Variants in ARHGAP24 observed in about 807,000 individuals in gnomAD.
The protein encoded by ARHGAP24 is Rho GTPase activating protein 24.
Under a neutral mutation model 76.4 loss-of-function variants are expected in ARHGAP24, and 50 were observed. The ratio of observed to expected loss-of-function variants is 0.65; its 90% confidence interval spans 0.52 to 0.83. The LOEUF (loss-of-function observed/expected upper bound fraction) is 0.83, where lower values mean the gene tolerates loss of function less well. Ranked by LOEUF, ARHGAP24 falls within the 40% of genes least tolerant of loss-of-function variation. ARHGAP24 has a pLI of 0.00. For synonymous variants in ARHGAP24, 345 were observed against 323.3 expected, an observed-to-expected ratio of 1.07 and a Z score of -0.72; for missense variants, 930 against 914.2, an observed-to-expected ratio of 1.02 and a Z score of -0.22.
At position 85,995,257 on chromosome 4, in the gene ARHGAP24, G is replaced by A. The variant is rs1303916178; in HGVS notation, c.1603G>A (p.Val535Ile). Residue 535 changes from valine to isoleucine, a missense_variant, in exon 9 of 10, where the codon GTC (valine) becomes ATC (isoleucine). Transcript: ENST00000395184. ...CAACAGACTGTCCACCTATGATAAT[G>A]TCCATCAACAGTTCTCCATGATGAA... ...QHNRLSTYDN[V>I]HQQFSMMNLD... 4 of 1,613,920 alleles carry A rather than the reference G, an allele frequency of 2.5e-6. No homozygotes were observed. The highest frequency in any genetic ancestry group is 3.4e-6 in the Non-Finnish European group (4 of 1,180,028).
chr4:85,608,551 GTTTTTTTTTTT>G (rs141361475), intron 2 of ARHGAP24, among the ~76,000 whole-genome samples: 3 of 73,186 alleles, frequency 4.1e-5, no homozygotes, highest in Non-Finnish European at 7.3e-5. Flanking sequence ...TTGTTTGGTT[GTTTTTTTTTTT>G]TTTTTTTTTT....
At chr4:85,896,624 T>C (rs748074151) in intron 3 of ARHGAP24, among the ~76,000 whole-genome samples, 2 of 152,212 alleles carry the variant, frequency 1.3e-5, no homozygotes, top group Non-Finnish European at 2.9e-5. Context: ...TAGGGCTAAA[T>C]CTATATCCAA....
chr4:85,940,911 TG>T (rs1296658494), intron 4 of ARHGAP24, among the ~76,000 whole-genome samples: 2 of 152,216 alleles, frequency 1.3e-5, no homozygotes, highest in Admixed American at 6.5e-5. Flanking sequence ...GTGACGGTTT[TG>T]CACTACTGAG....
At chr4:85,968,794 A>G (rs537941331) in intron 5 of ARHGAP24, among the ~76,000 whole-genome samples, 239 of 152,272 alleles carry the variant, frequency 1.6e-3, no homozygotes, top group Middle Eastern at 3.4e-3. Context: ...ATCTCTACTG[A>G]GTAGCCTAAG....
chr4:85,867,898 C>CATATATATATATATATAT (rs113874290), intron 3 of ARHGAP24, among the ~76,000 whole-genome samples: 148 of 106,726 alleles, frequency 1.4e-3, no homozygotes, highest in African/African-American at 4.1e-3. Flanking sequence ...TGTGTGTGTA[C>CATATATATATATATATAT]ATATATATAT....
At chr4:85,533,414 C>T (rs1334012592) in intron 1 of ARHGAP24, among the ~76,000 whole-genome samples, 1 of 152,100 alleles carries the variant, frequency 6.6e-6, no homozygotes. Context: ...TTACATTATT[C>T]TGTCAGTCAA....
chr4:85,812,796 T>G (rs1729068466), intron 3 of ARHGAP24, among the ~76,000 whole-genome samples: 1 of 152,200 alleles, frequency 6.6e-6, no homozygotes, highest in Non-Finnish European at 1.5e-5. Context: ...CAAGGCTGGA[T>G]TCTTCAAAAG....
chr4:85,786,425 T>A (rs747404602), intron 3 of ARHGAP24, among the ~76,000 whole-genome samples: 2 of 152,202 alleles, frequency 1.3e-5, no homozygotes, highest in African/African-American at 2.4e-5. Context: ...TTCCACACAA[T>A]GTTTTCTTGA....
intron 3 of ARHGAP24, among the ~76,000 whole-genome samples, chr4:85,744,798 G>T (rs1020447591): frequency 1.3e-5 from 2 of 152,170 alleles, no homozygotes; most frequent in Non-Finnish European, 2.9e-5. Context: ...TTTTAAAATG[G>T]TTATTTAGTC....
In ARHGAP24 at chr4:85,722,259, A is replaced by C. The variant is rs552579616; in HGVS notation, c.268+287A>C. On this transcript the variant is annotated intron_variant, in intron 3 of 9. Transcript: ENST00000395184. ...ATTTGTTCAGGACTATTGGAGATGA[A>C]TTTGATTTTACAGCGCTCTTGTGAT... 463 of 363,740 alleles carry C rather than the reference A, an allele frequency of 1.3e-3. 1 individual carries two copies. The highest frequency in any genetic ancestry group is 1.5e-3 in the Non-Finnish European group (292 of 193,124). The allele number at this position is 363,740 out of a possible 1,614,324, so 22.5% of individuals were successfully genotyped here.
At position 85,995,059 on chromosome 4, in the gene ARHGAP24, G is replaced by A. The variant is rs1232518540; in HGVS notation, c.1405G>A (p.Gly469Ser). Residue 469 changes from glycine (G) to serine (S), a missense_variant, in exon 9 of 10, where the codon GGT (glycine) becomes AGT (serine). By Grantham distance (56) the Gly-to-Ser change is moderately conservative (BLOSUM62 0). Coordinates refer to ENST00000395184, the MANE Select transcript of ARHGAP24 (RefSeq NM_001025616.3). ...ARRSSSLKVS[G>S]TKMGTHSVQN... The stretch of plus-strand genomic sequence containing the variant: ...AAGGAGCTCTTCACTGAAGGTATCT[G>A]GTACCAAAATGGGCACGCACAGTGT... The A allele has an allele frequency of 1.8e-5, 29 of 1,614,064 alleles. No individual in the cohort carries two copies. The highest frequency in any genetic ancestry group is 2.4e-5 in the Non-Finnish European group (28 of 1,180,002).
intron 1 of ARHGAP24, among the ~76,000 whole-genome samples, chr4:85,515,089 C>T (rs1367757463): frequency 6.6e-6 from 1 of 152,050 alleles, no homozygotes; most frequent in Non-Finnish European, 1.5e-5. Context: ...TCTAATTCAT[C>T]CTTAGGTGAA....
chr4:85,544,499 C>T (rs1725826073), intron 1 of ARHGAP24, among the ~76,000 whole-genome samples: 1 of 152,064 alleles, frequency 6.6e-6, no homozygotes, highest in Non-Finnish European at 1.5e-5. Context: ...AAAACTTCAG[C>T]ATCTAGATCA....
At chr4:85,962,433 G>A (rs1044722749) in intron 5 of ARHGAP24, among the ~76,000 whole-genome samples, 5 of 152,072 alleles carry the variant, frequency 3.3e-5, no homozygotes, top group African/African-American at 1.2e-4. Flanking sequence ...GAAATGTGAG[G>A]TGAGAAAGAA....
At chr4:85,955,230 C>T (rs550888802) in intron 5 of ARHGAP24, among the ~76,000 whole-genome samples, 15 of 151,570 alleles carry the variant, frequency 9.9e-5, no homozygotes, top group Middle Eastern at 6.8e-3. Context: ...CCCCCGCCTA[C>T]CCCCCACCCC....
In ARHGAP24 at chr4:85,926,045, T is replaced by C. The variant is rs565465446; in HGVS notation, c.391+2275T>C. On this transcript the variant is annotated intron_variant, in intron 4 of 9. Transcript: ENST00000395184. ...TTCTCCTCTTCCATCTGTGACTTCC[T>C]GAAAAAAAAAAAGAATGCCATCCAG... Among the ~76,000 whole-genome samples, 6 of 130,386 alleles carry C rather than the reference T, an allele frequency of 4.6e-5. No individual in the cohort carries two copies. In the South Asian group the frequency reaches 1.9e-3, roughly 41 times the overall value. 85.5% of individuals were successfully genotyped at this position (130,386 alleles called of 152,430 possible).
intron 3 of ARHGAP24, among the ~76,000 whole-genome samples, chr4:85,791,161 G>A (rs931056716): frequency 3.3e-5 from 5 of 152,270 alleles, no homozygotes; most frequent in South Asian, 2.1e-4. Flanking sequence ...ATTAAATGGC[G>A]TATGAGGGCA....
chr4:85,962,765 T>C (rs1738338513), intron 5 of ARHGAP24, among the ~76,000 whole-genome samples: 1 of 151,448 alleles, frequency 6.6e-6, no homozygotes. Context: ...AGATCTAGAA[T>C]GCCCATGTTT....
chr4:85,784,742 A>C (rs1303702014), intron 3 of ARHGAP24, among the ~76,000 whole-genome samples: 1 of 152,096 alleles, frequency 6.6e-6, no homozygotes, highest in Non-Finnish European at 1.5e-5. Context: ...GGTGCCAATT[A>C]GAATTTTAGC....
Sources: gnomAD v4.1 joint callset for allele counts (sites outside exome capture counted in the v4.1 genomes callset) on GRCh38, gnomAD v4.1.1 for gene constraint, MANE v1.5 for transcripts, NCBI Gene and HGNC (gene_info 2026-07-23, HGNC 2026-07-21) for gene names.